USP15: variants seen among roughly 807,000 people sequenced by gnomAD.
The protein encoded by USP15 is ubiquitin specific peptidase 15.
Under a neutral mutation model 127.1 loss-of-function variants are expected in USP15, and 18 were observed. The ratio of observed to expected loss-of-function variants is 0.14; its 90% CI spans 0.10 to 0.21. The LOEUF (loss-of-function observed/expected upper bound fraction) is 0.21, where lower values mean the gene tolerates loss of function less well. Ranked by LOEUF, USP15 falls within the 10% of genes least tolerant of loss-of-function variation. USP15 has a pLI of 1.00. For synonymous variants in USP15, 364 were observed against 393.7 expected (o/e 0.92, Z 0.89); for missense variants, 805 against 1,159.9 (o/e 0.69, Z 4.44).
At position 62,327,711 on chromosome 12, in the gene USP15, G is replaced by T. The variant is rs757703683; in HGVS notation, c.683+1778G>T. 17 of 429,206 alleles carry T rather than the reference G, an allele frequency of 4.0e-5. 1 individual carries two copies. The highest frequency in any genetic ancestry group is 2.7e-4 in the South Asian group (16 of 59,032). The allele number at this position is 429,206 out of a possible 1,614,324, so 26.6% of individuals were successfully genotyped here. Reference sequence around the variant, plus strand: ...ACAACTTTAGTACTTGGCTTTGTGTGAAAGAAAACAGAATTCCCTATGTAA... The same window carrying T: ...ACAACTTTAGTACTTGGCTTTGTGTTAAAGAAAACAGAATTCCCTATGTAA... On this transcript the variant is annotated intron_variant, in intron 6 of 21. Transcript: ENST00000280377.
chr12:62,392,152 A>G (rs1010275139), intron 17 of USP15, 120 bp from the exon 18 acceptor site: 3 of 765,486 alleles, frequency 3.9e-6, no homozygotes, highest in Admixed American at 3.1e-5. Context: ...CAACTGAAAT[A>G]AGCTTTATGA....
intron 1 of USP15, among the ~76,000 whole-genome samples, chr12:62,273,248 C>T (rs1592464657): frequency 6.6e-6 from 1 of 152,000 alleles, no homozygotes; most frequent in East Asian, 1.9e-4. Flanking sequence ...GAGAGATTTT[C>T]ATTTATTCTA....
At chr12:62,288,707 C>T (rs897876967) in intron 1 of USP15, among the ~76,000 whole-genome samples, 6 of 151,986 alleles carry the variant, frequency 3.9e-5, no homozygotes, top group African/African-American at 1.4e-4. Context: ...TTTCTCCATT[C>T]GTATGATATT....
chr12:62,294,389 T>G, intron 2 of USP15, 83 bp downstream of exon 2: 1 of 1,482,830 alleles, frequency 6.7e-7, no homozygotes, highest in Non-Finnish European at 9.1e-7. Flanking sequence ...TTGGAAAATG[T>G]TAGCGCAAAT....
intron 1 of USP15, among the ~76,000 whole-genome samples, chr12:62,261,892 A>G (rs1374482127): frequency 1.3e-5 from 2 of 152,120 alleles, no homozygotes; most frequent in Non-Finnish European, 2.9e-5. Flanking sequence ...TAAGGATGTA[A>G]ATACATACTT....
At chr12:62,337,421 T>C (rs997352975) in intron 6 of USP15, among the ~76,000 whole-genome samples, 3 of 152,166 alleles carry the variant, frequency 2.0e-5, no homozygotes, top group Non-Finnish European at 4.4e-5. Flanking sequence ...GTCTCAGAGC[T>C]TGTGCAGAGA....
At chr12:62,327,660 G>A (rs2065165928) in intron 6 of USP15, 1 of 437,150 alleles carries the variant, frequency 2.3e-6, no homozygotes. Flanking sequence ...TTCCCTAATA[G>A]CACAATATCA....
At chr12:62,353,986 T>C (rs2066041510) in intron 7 of USP15, among the ~76,000 whole-genome samples, 1 of 152,056 alleles carries the variant, frequency 6.6e-6, no homozygotes, top group Non-Finnish European at 1.5e-5. Context: ...GGATTATTTT[T>C]TCAGAGTTGA....
intron 20 of USP15, among the ~76,000 whole-genome samples, chr12:62,399,053 TC>T (rs2067590636): frequency 1.3e-5 from 2 of 152,210 alleles, no homozygotes; most frequent in African/African-American, 4.8e-5. Flanking sequence ...CTTTTTGGTA[TC>T]ATTTAATTTA....
At chr12:62,314,038 G>A (rs12228015) in intron 3 of USP15, 238,533 of 860,588 alleles carry the variant, frequency 0.28, 36,084 homozygotes, top group African/African-American at 0.36. Context: ...TTAGAAGATC[G>A]AAAGGAATTA....
intron 8 of USP15, among the ~76,000 whole-genome samples, chr12:62,355,846 T>C (rs1283765160): frequency 2.7e-5 from 4 of 149,954 alleles, no homozygotes; most frequent in Middle Eastern, 3.2e-3. Flanking sequence ...TTTTTTGTCT[T>C]AATGGGAAAT....
Position 62,393,060 on chromosome 12 carries a change from C to T in USP15, c.2428C>T (p.Pro810Ser). The stretch of plus-strand genomic sequence containing the variant: ...ACTTCTGTTTATTCTTAGGTATTGT[C>T]CGAATTGTAAAGAACATCAGCAAGC... ...KLGAEDPWYCPNCKEHQQATK... is the reference protein window; with the variant it reads ...KLGAEDPWYCSNCKEHQQATK... The change falls in exon 19 of 22, where the codon CCG (proline) becomes TCG (serine). Residue 810 changes from proline to serine, a missense_variant. This residue lies in a region of USP15 where 24 missense variants were observed against 71.5 expected (regional missense o/e 0.34). Coordinates refer to ENST00000280377, the MANE Select transcript of USP15 (RefSeq NM_001252078.2). The T allele has an allele frequency of 6.2e-7, 1 of 1,613,388 alleles. No individual in the cohort carries two copies. Among genetic ancestry groups the T allele is most frequent in the Non-Finnish European group, 8.5e-7 (1 of 1,179,730 alleles).
At chr12:62,315,003 C>T in intron 4 of USP15, 87 bp downstream of exon 4, 1 of 1,258,244 alleles carries the variant, frequency 7.9e-7, no homozygotes, top group Non-Finnish European at 1.0e-6. Context: ...TGGATGATAA[C>T]CATTTTAAGG....
rs140329383 is a variant in USP15, at chr12:62,394,956, G to C, written c.2571-1339G>C. On this transcript the variant is annotated intron_variant, in intron 19 of 21. Transcript: ENST00000280377. ...CTTTTTAATGATGCAAATACAAGAAGAACAACCAGAAATAATAATAAGCTA... is the reference window on the plus strand; with the variant it reads ...CTTTTTAATGATGCAAATACAAGAACAACAACCAGAAATAATAATAAGCTA... Among the ~76,000 whole-genome samples, 519 of 151,732 alleles carry C rather than the reference G, an allele frequency of 3.4e-3. 4 individuals are homozygous for C. Among genetic ancestry groups the C allele is most frequent in the African/African-American group, 0.012 (494 of 41,370 alleles).
At chr12:62,296,634 A>T (rs910969214) in intron 2 of USP15, among the ~76,000 whole-genome samples, 15 of 152,200 alleles carry the variant, frequency 9.9e-5, no homozygotes, top group African/African-American at 3.6e-4. Context: ...CCCAACAGAA[A>T]CACTGAAGTA....
intron 6 of USP15, among the ~76,000 whole-genome samples, chr12:62,343,791 C>T (rs1016857840): frequency 1.6e-4 from 25 of 152,326 alleles, no homozygotes; most frequent in African/African-American, 5.5e-4. Context: ...CACCTACCTT[C>T]TCCATTGATC....
At chr12:62,326,163 A>G (rs909460826) in intron 6 of USP15, among the ~76,000 whole-genome samples, 9 of 152,150 alleles carry the variant, frequency 5.9e-5, no homozygotes, top group Non-Finnish European at 7.4e-5. Context: ...GTATAAATGT[A>G]TGGTATAAAT....
At chr12:62,357,840 A>G (rs970165980) in intron 8 of USP15, among the ~76,000 whole-genome samples, 9 of 152,098 alleles carry the variant, frequency 5.9e-5, no homozygotes, top group Non-Finnish European at 1.0e-4. Context: ...AAGAGGGAGT[A>G]CAAAATGGTG....
chr12:62,327,538 G>T, intron 6 of USP15: 1 of 357,490 alleles, frequency 2.8e-6, no homozygotes, highest in Non-Finnish European at 5.3e-6. Flanking sequence ...TTACAAAATT[G>T]TTTGTGGATT....
Sources: gnomAD v4.1 joint callset for allele counts (sites outside exome capture counted in the v4.1 genomes callset) on GRCh38, gnomAD v4.1.1 for gene constraint, gnomAD v4.1.1 regional missense constraint, MANE v1.5 for transcripts, NCBI Gene and HGNC (gene_info 2026-07-23, HGNC 2026-07-21) for gene names.